The following PTK2B variants were observed in gnomAD, a reference collection of about 807,000 sequenced individuals.
The protein encoded by PTK2B is protein tyrosine kinase 2 beta.
PTK2B carries 71 observed loss-of-function variants against 142.9 expected under a neutral mutation model. The ratio of observed to expected loss-of-function variants is 0.50; its 90% CI spans 0.41 to 0.61. The LOEUF (loss-of-function observed/expected upper bound fraction) is 0.61. PTK2B is among the 20% of genes least tolerant of loss of function. The probability of loss-of-function intolerance (pLI) is 0.00; values close to 1 mark genes in which losing one functional copy is unlikely to be tolerated. For synonymous variants in PTK2B, 519 were observed against 503.4 expected (o/e 1.03, Z -0.42); for missense variants, 1,105 against 1,320.4 (o/e 0.84, Z 2.53).
At chr8:27,423,666 G>A (rs984002891) in intron 5 of PTK2B, among the ~76,000 whole-genome samples, 12 of 152,110 alleles carry the variant, frequency 7.9e-5, no homozygotes, top group Admixed American at 3.9e-4. Flanking sequence ...CTCTGCTGCT[G>A]CTTCTACGGA....
chr8:27,453,440 G>A (rs557477636), intron 28 of PTK2B, among the ~76,000 whole-genome samples: 4 of 152,158 alleles, frequency 2.6e-5, no homozygotes, highest in Non-Finnish European at 5.9e-5. Flanking sequence ...AAAGTGGTGT[G>A]GGCTGCTTCC....
chr8:27,341,068 A>G (rs762453693), intron 1 of PTK2B, among the ~76,000 whole-genome samples: 11 of 152,164 alleles, frequency 7.2e-5, no homozygotes, highest in Non-Finnish European at 1.3e-4. Flanking sequence ...GGGCTCAGCT[A>G]TTCCATCGGG....
intron 12 of PTK2B, 81 bp downstream of exon 12, chr8:27,434,213 C>A: frequency 6.6e-7 from 1 of 1,517,908 alleles, no homozygotes; most frequent in South Asian, 1.2e-5. Flanking sequence ...CTGGGAGTCC[C>A]CACCTCCATA....
chr8:27,417,448 G>A (rs1809472349), intron 2 of PTK2B, among the ~76,000 whole-genome samples: 1 of 136,632 alleles, frequency 7.3e-6, no homozygotes, highest in Non-Finnish European at 1.7e-5. Context: ...GGGGCCATGA[G>A]GGTGGACTGA....
At chr8:27,444,322 T>C in intron 23 of PTK2B, 51 bp downstream of exon 23, 1 of 1,556,972 alleles carries the variant, frequency 6.4e-7, no homozygotes, top group African/African-American at 1.4e-5. Context: ...CTCATCCAGG[T>C]CCTGAAACTC....
intron 1 of PTK2B, among the ~76,000 whole-genome samples, chr8:27,334,746 A>G (rs1213617292): frequency 6.6e-6 from 1 of 152,080 alleles, no homozygotes; most frequent in Non-Finnish European, 1.5e-5. Flanking sequence ...CATTCCCCGC[A>G]GTGGGTGTCG....
chr8:27,431,732 G>T (rs945378012), intron 9 of PTK2B, among the ~76,000 whole-genome samples: 1 of 152,220 alleles, frequency 6.6e-6, no homozygotes, highest in Non-Finnish European at 1.5e-5. Flanking sequence ...ATGATTACTC[G>T]CAGAGCTCAG....
intron 1 of PTK2B, among the ~76,000 whole-genome samples, chr8:27,377,672 G>A (rs188153057): frequency 3.7e-4 from 57 of 152,328 alleles, no homozygotes; most frequent in African/African-American, 1.3e-3. Flanking sequence ...AGTACACTGT[G>A]AGCTCTCTGT....
intron 1 of PTK2B, among the ~76,000 whole-genome samples, chr8:27,374,469 A>G (rs940179241): frequency 6.6e-6 from 1 of 152,252 alleles, no homozygotes; most frequent in Admixed American, 6.5e-5. Flanking sequence ...AGAGTAAGAA[A>G]AAATGTAAGC....
At chr8:27,425,488 T>C (rs979260681) in intron 5 of PTK2B, among the ~76,000 whole-genome samples, 1 of 152,140 alleles carries the variant, frequency 6.6e-6, no homozygotes, top group Non-Finnish European at 1.5e-5. Context: ...CTCAGCAAAA[T>C]TGAGCAGAAG....
At chr8:27,327,677 T>C (rs1803500947) in intron 1 of PTK2B, among the ~76,000 whole-genome samples, 1 of 152,124 alleles carries the variant, frequency 6.6e-6, no homozygotes, top group Non-Finnish European at 1.5e-5. Flanking sequence ...AAAAATCAAT[T>C]CCTTGGTCAG....
chr8:27,384,798 C>A (rs1181689722), intron 1 of PTK2B, among the ~76,000 whole-genome samples: 2 of 152,150 alleles, frequency 1.3e-5, no homozygotes, highest in Non-Finnish European at 2.9e-5. Flanking sequence ...ACTATATATT[C>A]CAGCGATGCC....
intron 3 of PTK2B, among the ~76,000 whole-genome samples, chr8:27,314,690 G>T (rs920489421): frequency 5.9e-5 from 9 of 152,202 alleles, no homozygotes; most frequent in African/African-American, 2.2e-4. Context: ...CCTATCTCAG[G>T]CCGGTTCCCA....
chr8:27,359,354 G>A (rs972050649), intron 1 of PTK2B, among the ~76,000 whole-genome samples: 1 of 152,152 alleles, frequency 6.6e-6, no homozygotes, highest in African/African-American at 2.4e-5. Flanking sequence ...GACCTCAAGC[G>A]ATCTGCCTGC....
At chr8:27,418,741 C>T (rs1809556561) in intron 2 of PTK2B, among the ~76,000 whole-genome samples, 1 of 152,084 alleles carries the variant, frequency 6.6e-6, no homozygotes, top group African/African-American at 2.4e-5. Context: ...TAAAATGGCA[C>T]CAAAGTCCGG....
At position 27,444,235 on chromosome 8, in the gene PTK2B, G is replaced by T. The variant is rs144972819; in HGVS notation, c.2178G>T (p.Pro726=). ...GCCGACCTAAGTACAGACCCCCTCC[G>T]CAAACCAACCTCCTGGCTCCAAAGC... ...KPSRPKYRPP[P]QTNLLAPKLQ... is the part of the protein sequence containing the mutation. Residue 726 remains proline (P), a synonymous_variant, in exon 23 of 31, where the codon CCG becomes CCT. Transcript: ENST00000346049. The T allele has an allele frequency of 3.0e-5, 48 of 1,613,648 alleles. No homozygotes were observed. Among genetic ancestry groups the T allele is most frequent in the Admixed American group, 8.3e-5 (5 of 59,982 alleles).
chr8:27,445,310 G>C (rs1036942064), intron 23 of PTK2B, among the ~76,000 whole-genome samples: 1 of 152,196 alleles, frequency 6.6e-6, no homozygotes, highest in Non-Finnish European at 1.5e-5. Context: ...CTATGTGGGA[G>C]GCTGAGGCAA....
chr8:27,349,541 A>T (rs891726595), intron 1 of PTK2B, among the ~76,000 whole-genome samples: 4 of 152,202 alleles, frequency 2.6e-5, no homozygotes, highest in African/African-American at 9.6e-5. Flanking sequence ...AATGCGGGGC[A>T]GGGGGTGAAG....
chr8:27,392,983 C>A (rs1486437863), intron 1 of PTK2B, among the ~76,000 whole-genome samples: 1 of 152,192 alleles, frequency 6.6e-6, no homozygotes, highest in African/African-American at 2.4e-5. Context: ...TGGGAATATT[C>A]GATGCTAATT....
Sources: allele counts gnomAD v4.1 joint callset (sites outside exome capture counted in the v4.1 genomes callset), GRCh38; gene constraint gnomAD v4.1.1; transcripts MANE v1.5; gene names NCBI Gene and HGNC (gene_info 2026-07-23, HGNC 2026-07-21).